SLC13A4: variants seen among roughly 807,000 people sequenced by gnomAD.
SLC13A4 encodes Na(+)/sulfate cotransporter SUT-1.
Under a neutral mutation model 72.7 loss-of-function variants are expected in SLC13A4, and 28 were observed. The ratio of observed to expected loss-of-function variants is 0.39; its 90% CI spans 0.29 to 0.53. The LOEUF is 0.53. Among genes scored for constraint, SLC13A4 ranks in the 20% least tolerant of loss-of-function variants. The pLI, the probability that SLC13A4 is intolerant of heterozygous loss-of-function variation, is 0.78. For synonymous variants in SLC13A4, 312 were observed against 325.5 expected (o/e 0.96, Z 0.45); for missense variants, 653 against 788.0 (o/e 0.83, Z 2.05).
At chr7:135,690,130 G>C (rs1414162051) in intron 13 of SLC13A4, among the ~76,000 whole-genome samples, 5 of 130,772 alleles carry the variant, frequency 3.8e-5, no homozygotes, top group Non-Finnish European at 7.7e-5. Context: ...GCAGTGAGCA[G>C]AGATGGCGCC....
intron 2 of SLC13A4, among the ~76,000 whole-genome samples, chr7:135,713,148 A>G (rs1796340514): frequency 6.6e-6 from 1 of 152,192 alleles, no homozygotes; most frequent in East Asian, 1.9e-4. Flanking sequence ...GGGAAGCCAG[A>G]TAACGAAGAT....
At position 135,706,109 on chromosome 7, in the gene SLC13A4, G is replaced by A. The variant is rs773047283; in HGVS notation, c.538+19C>T. 1.3e-6 allele frequency: 2 copies of A among 1,558,294 alleles called. No homozygotes were observed. The highest frequency in any genetic ancestry group is 2.3e-5 in the East Asian group (1 of 44,062). ...GAGGTTGGAGGAGCAAAGGAGAGAT[G>A]AACTCCAGCAAACTGTACTGATGGG... On this transcript the variant is annotated intron_variant, in intron 4 of 15. Transcript: ENST00000682651.
intron 1 of SLC13A4, among the ~76,000 whole-genome samples, chr7:135,726,500 T>A (rs1036178666): frequency 1.3e-5 from 2 of 152,180 alleles, no homozygotes; most frequent in Non-Finnish European, 2.9e-5. Context: ...AGCTTATTTT[T>A]CCTAAAGTCT....
intron 1 of SLC13A4, among the ~76,000 whole-genome samples, chr7:135,723,540 C>T (rs543126196): frequency 1.3e-5 from 2 of 152,260 alleles, no homozygotes; most frequent in African/African-American, 2.4e-5. Flanking sequence ...GTGGGATCCT[C>T]AATTTTTACA....
chr7:135,701,708 T>G lies in SLC13A4; in HGVS notation c.686A>C (p.His229Pro). ...GGATGGGTGTTGCTTCTTGCCCTGG[T>G]GTTGGTTTGCAGTTTTGATGGGGTT... Reference protein sequence around the residue: ...ITNPIKTANQHQGKKQHPSQE... With the variant: ...ITNPIKTANQPQGKKQHPSQE... The change falls in exon 7 of 16, where the codon CAC becomes CCC. Residue 229 changes from histidine to proline, a missense_variant. His to Pro is a moderately conservative substitution (Grantham distance 77). Transcript: ENST00000682651. 1 of 1,613,680 alleles carries G rather than the reference T, an allele frequency of 6.2e-7. No individual in the cohort carries two copies. The highest frequency in any genetic ancestry group is 8.5e-7 in the Non-Finnish European group (1 of 1,179,826).
chr7:135,706,402 T>C (rs1796163467), intron 3 of SLC13A4, 102 bp from the exon 4 acceptor site: 1 of 1,263,798 alleles, frequency 7.9e-7, no homozygotes, highest in Non-Finnish European at 1.1e-6. Flanking sequence ...TCTAGACAGC[T>C]GTGGCTGGAA....
At chr7:135,713,749 G>A (rs1489829197) in intron 2 of SLC13A4, among the ~76,000 whole-genome samples, 2 of 152,088 alleles carry the variant, frequency 1.3e-5, no homozygotes, top group Non-Finnish European at 2.9e-5. Flanking sequence ...GGCTAATTTT[G>A]TATTTTCAGT....
Position 135,727,593 on chromosome 7 carries a change from A to C in SLC13A4, c.-97T>G. 1 of 1,405,418 alleles carries C rather than the reference A, an allele frequency of 7.1e-7. No homozygotes were observed. Among genetic ancestry groups the C allele is most frequent in the Non-Finnish European group, 9.5e-7 (1 of 1,056,558 alleles). 87.1% of individuals were successfully genotyped at this position (1,405,418 alleles called of 1,614,324 possible). On this transcript the variant is annotated 5_prime_UTR_variant, in exon 1 of 16. Coordinates refer to ENST00000682651, the MANE Select transcript of SLC13A4 (RefSeq NM_001318192.2). ...CTCTCTATCCAGAAAGACTTCTTAA[A>C]CCTTTCTTGGCTTCCGAGAGTCCTC...
At position 135,691,332 on chromosome 7, in the gene SLC13A4, TAG is replaced by T; in HGVS notation, c.1322-9_1322-8del. On this transcript the variant is annotated splice_region_variant and splice_polypyrimidine_tract_variant and intron_variant, in intron 12 of 15. Transcript: ENST00000682651. The stretch of plus-strand genomic sequence containing the variant: ...GAGTGCTCCTGGTTCTCTCCTGGAT[TAG>T]AGAGAGATGTAAAGCCAGATAAACC... 1 of 1,607,964 alleles carries T rather than the reference TAG, an allele frequency of 6.2e-7. No individual in the cohort carries two copies. Among genetic ancestry groups the T allele is most frequent in the South Asian group, 1.1e-5 (1 of 90,496 alleles).
intron 6 of SLC13A4, 148 bp downstream of exon 6, chr7:135,702,697 A>G: frequency 6.8e-6 from 5 of 735,862 alleles, no homozygotes; most frequent in Non-Finnish European, 1.2e-5. Flanking sequence ...TTTAATAATA[A>G]CATTTTGTCA....
rs758759844 is a variant in SLC13A4 at position 135,705,677 on chromosome 7, G to A, written c.539-27C>T. 4 of 1,609,196 alleles carry A rather than the reference G, an allele frequency of 2.5e-6. No homozygotes were observed. In the African/African-American group the frequency reaches 5.3e-5, roughly 22 times the overall value. On this transcript the variant is annotated intron_variant, in intron 4 of 15. Coordinates refer to ENST00000682651, the MANE Select transcript of SLC13A4 (RefSeq NM_001318192.2). ...TATGAGTAGCAAAGAAAAGCAGTAT[G>A]TGAGAGGTGGAGGCTGGGGCTGACC... is the stretch of plus-strand genomic sequence containing the variant.
intron 13 of SLC13A4, among the ~76,000 whole-genome samples, chr7:135,689,409 C>G (rs957985748): frequency 6.6e-6 from 1 of 152,084 alleles, no homozygotes; most frequent in Non-Finnish European, 1.5e-5. Flanking sequence ...GACATGAGTG[C>G]CAAGGATGCT....
chr7:135,705,109 A>C (rs1796131140), intron 5 of SLC13A4: 2 of 154,250 alleles, frequency 1.3e-5, no homozygotes, highest in Admixed American at 1.3e-4. Context: ...CTGTCCCCTC[A>C]TCCCCTACCT....
intron 1 of SLC13A4, among the ~76,000 whole-genome samples, chr7:135,725,088 T>C (rs1796628626): frequency 6.6e-6 from 1 of 152,188 alleles, no homozygotes; most frequent in Non-Finnish European, 1.5e-5. Flanking sequence ...AGCAGGTATG[T>C]GGGGGTTGGG....
chr7:135,687,770 A>C (rs1795668673), intron 13 of SLC13A4, among the ~76,000 whole-genome samples: 1 of 78,454 alleles, frequency 1.3e-5, no homozygotes, highest in South Asian at 4.4e-4. Flanking sequence ...ATGGAGTTTT[A>C]CTTAACGTTA....
chr7:135,681,390 G>T lies in SLC13A4; in HGVS notation c.*173C>A. The T allele has an allele frequency of 3.0e-6, 2 of 662,544 alleles. No individual in the cohort carries two copies. Among genetic ancestry groups the T allele is most frequent in the Non-Finnish European group, 4.8e-6 (2 of 415,186 alleles). 41.0% of individuals were successfully genotyped at this position (662,544 alleles called of 1,614,324 possible). A position where few individuals can be genotyped will look rare whatever the true frequency, so the allele number is the denominator to read the frequency against. On this transcript the variant is annotated 3_prime_UTR_variant, in exon 16 of 16. Coordinates refer to ENST00000682651, the MANE Select transcript of SLC13A4 (RefSeq NM_001318192.2). ...AGCGAAGCATGTGTTTGTGGTTGTT[G>T]GAGGATTCCTGCAGTTCACTTGAGG... is the stretch of plus-strand genomic sequence containing the variant.
chr7:135,712,301 C>T (rs938848178), intron 2 of SLC13A4, among the ~76,000 whole-genome samples: 2 of 151,790 alleles, frequency 1.3e-5, no homozygotes, highest in Admixed American at 1.3e-4. Context: ...GTAAGTGATA[C>T]TATGTGCTCG....
At chr7:135,711,822 A>G (rs1437802380) in intron 2 of SLC13A4, among the ~76,000 whole-genome samples, 1 of 151,952 alleles carries the variant, frequency 6.6e-6, no homozygotes, top group Non-Finnish European at 1.5e-5. Flanking sequence ...CAGTGGCGCA[A>G]TCTCGGCTCA....
chr7:135,688,147 T>C (rs1038675171), intron 13 of SLC13A4, among the ~76,000 whole-genome samples: 4 of 151,722 alleles, frequency 2.6e-5, no homozygotes, highest in Non-Finnish European at 5.9e-5. Context: ...GGCTAATTTT[T>C]GTATTTTTAG....
Sources: allele counts gnomAD v4.1 joint callset (sites outside exome capture counted in the v4.1 genomes callset), GRCh38; gene constraint gnomAD v4.1.1; transcripts MANE v1.5; gene names NCBI Gene and HGNC (gene_info 2026-07-23, HGNC 2026-07-21).